The following SUCLG2 variants were observed in gnomAD, a reference collection of about 807,000 sequenced individuals.
The protein encoded by SUCLG2 is succinate-CoA ligase GDP-forming subunit beta, also known as succinate--CoA ligase [GDP-forming] subunit beta, mitochondrial.
SUCLG2 carries 42 observed loss-of-function variants against 47.9 expected under a neutral mutation model. The ratio of observed to expected loss-of-function variants is 0.88; its 90% CI spans 0.69 to 1.14. The LOEUF is 1.14. Among genes scored for constraint, SUCLG2 ranks in the 50% most tolerant of loss-of-function variants. The probability of loss-of-function intolerance (pLI) is 0.00; values close to 1 mark genes in which losing one functional copy is unlikely to be tolerated. For missense variants in SUCLG2, 571 were observed against 525.9 expected (o/e 1.09, Z -0.84); for synonymous variants, 195 against 197.3 (o/e 0.99, Z 0.10).
intron 2 of SUCLG2, among the ~76,000 whole-genome samples, chr3:67,556,742 G>A (rs1389667340): frequency 6.6e-6 from 1 of 152,138 alleles, no homozygotes; most frequent in Non-Finnish European, 1.5e-5. Flanking sequence ...ATCCCAACCT[G>A]CTTTATGTAC....
intron 9 of SUCLG2, among the ~76,000 whole-genome samples, chr3:67,426,138 T>C (rs1289056807): frequency 6.6e-6 from 1 of 152,184 alleles, no homozygotes; most frequent in African/African-American, 2.4e-5. Flanking sequence ...TGCCAAGCTT[T>C]AGTATTTTAA....
At chr3:67,603,244 G>A (rs1045727602) in intron 2 of SUCLG2, among the ~76,000 whole-genome samples, 1 of 152,190 alleles carries the variant, frequency 6.6e-6, no homozygotes. Context: ...AGGATATTAA[G>A]ATCTTTTTGC....
intron 10 of SUCLG2, among the ~76,000 whole-genome samples, chr3:67,394,230 C>T (rs1172316876): frequency 6.6e-6 from 1 of 152,116 alleles, no homozygotes; most frequent in African/African-American, 2.4e-5. Context: ...CTCCGAGCTA[C>T]AGGAGGAAAT....
intron 7 of SUCLG2, among the ~76,000 whole-genome samples, chr3:67,505,671 G>T (rs114005186): frequency 1.3e-5 from 2 of 152,064 alleles, no homozygotes; most frequent in African/African-American, 4.8e-5. Context: ...CTACAAAGAG[G>T]TGGGTACAGG....
intron 10 of SUCLG2, among the ~76,000 whole-genome samples, chr3:67,379,186 A>T (rs75490487): frequency 0.15 from 23,067 of 152,114 alleles, 1,896 homozygotes; most frequent in Middle Eastern, 0.23. Context: ...ACCTCAAGTG[A>T]TCCACTTGCC....
chr3:67,469,767 C>T (rs182505127), intron 9 of SUCLG2, among the ~76,000 whole-genome samples: 23 of 146,698 alleles, frequency 1.6e-4, no homozygotes, highest in African/African-American at 4.6e-4. Context: ...GATTATGGCC[C>T]GGGCACGGTG....
intron 2 of SUCLG2, among the ~76,000 whole-genome samples, chr3:67,559,441 G>A (rs1559571848): frequency 6.6e-6 from 1 of 152,146 alleles, no homozygotes; most frequent in Non-Finnish European, 1.5e-5. Flanking sequence ...GCAGGAGAGA[G>A]AGATAGCACA....
chr3:67,440,918 C>A (rs1450836504), intron 9 of SUCLG2, among the ~76,000 whole-genome samples: 1 of 152,198 alleles, frequency 6.6e-6, no homozygotes, highest in South Asian at 2.1e-4. Flanking sequence ...ACTATAAAGA[C>A]ACATGCACAC....
chr3:67,504,082 GATAA>G lies in SUCLG2; in HGVS notation c.757+4721_757+4724del, dbSNP rs2107084548. On this transcript the variant is annotated intron_variant, in intron 7 of 10. Transcript: ENST00000307227. Reference sequence around the variant, plus strand: ...AAGCAACGTACTGCGTTTGATTTGTGATAAATAACCATAATGTACTATTGAAACA... The same window carrying G: ...AAGCAACGTACTGCGTTTGATTTGTGATAACCATAATGTACTATTGAAACA... 1.3e-5 allele frequency among the ~76,000 whole-genome samples: 2 copies of G among 152,318 alleles called. 1 individual carries two copies. The highest frequency in any genetic ancestry group is 4.1e-4 in the South Asian group (2 of 4,826).
At chr3:67,516,418 A>C (rs965710356) in intron 6 of SUCLG2, among the ~76,000 whole-genome samples, 1 of 152,186 alleles carries the variant, frequency 6.6e-6, no homozygotes, top group African/African-American at 2.4e-5. Context: ...AGGGGGCAGT[A>C]TCTTGTGATG....
At chr3:67,398,860 T>A (rs903197391) in intron 10 of SUCLG2, among the ~76,000 whole-genome samples, 4 of 152,130 alleles carry the variant, frequency 2.6e-5, no homozygotes, top group African/African-American at 9.7e-5. Flanking sequence ...GATGAGTTCA[T>A]GTCCTTTGTA....
intron 2 of SUCLG2, among the ~76,000 whole-genome samples, chr3:67,576,475 A>G (rs1021432603): frequency 1.3e-5 from 2 of 152,222 alleles, no homozygotes; most frequent in Non-Finnish European, 2.9e-5. Context: ...AGTATTTCCC[A>G]TTCACAAGTG....
intron 2 of SUCLG2, among the ~76,000 whole-genome samples, chr3:67,552,652 C>T (rs1370210556): frequency 6.6e-6 from 1 of 152,180 alleles, no homozygotes; most frequent in African/African-American, 2.4e-5. Context: ...CTGTGTAAAA[C>T]TGGATAAGTC....
chr3:67,448,206 C>CT (rs1703973253), intron 9 of SUCLG2, among the ~76,000 whole-genome samples: 1 of 151,958 alleles, frequency 6.6e-6, no homozygotes, highest in African/African-American at 2.4e-5. Context: ...CAAGATGGGA[C>CT]TTGGTAATAC....
chr3:67,440,712 A>G (rs946198066), intron 9 of SUCLG2, among the ~76,000 whole-genome samples: 1 of 152,248 alleles, frequency 6.6e-6, no homozygotes, highest in Non-Finnish European at 1.5e-5. Context: ...GGCGATCATT[A>G]AAAAGTCAGG....
chr3:67,537,425 T>A (rs754860931), intron 2 of SUCLG2, among the ~76,000 whole-genome samples: 3 of 152,214 alleles, frequency 2.0e-5, no homozygotes, highest in Non-Finnish European at 4.4e-5. Flanking sequence ...CTGCATAGTA[T>A]TCCATAATTT....
chr3:67,541,982 C>T (rs1706726876), intron 2 of SUCLG2, among the ~76,000 whole-genome samples: 1 of 151,934 alleles, frequency 6.6e-6, no homozygotes, highest in South Asian at 2.1e-4. Flanking sequence ...AGTTCTCCTG[C>T]CTCAGCCTCC....
chr3:67,414,827 C>G (rs1342015493), intron 9 of SUCLG2, among the ~76,000 whole-genome samples: 1 of 151,970 alleles, frequency 6.6e-6, no homozygotes, highest in African/African-American at 2.4e-5. Context: ...TTGGATTTTC[C>G]CACTCCCTCA....
chr3:67,637,301 T>C (rs1374653032), intron 1 of SUCLG2, among the ~76,000 whole-genome samples: 1 of 152,196 alleles, frequency 6.6e-6, no homozygotes, highest in Non-Finnish European at 1.5e-5. Context: ...CTAATTAGAT[T>C]CAGGAATATG....
Sources: allele counts gnomAD v4.1 joint callset (sites outside exome capture counted in the v4.1 genomes callset), GRCh38; gene constraint gnomAD v4.1.1; transcripts MANE v1.5; gene names NCBI Gene and HGNC (gene_info 2026-07-23, HGNC 2026-07-21).